ANAPC5: variants seen among roughly 807,000 people sequenced by gnomAD.
The protein encoded by ANAPC5 is anaphase-promoting complex subunit 5.
Under a neutral mutation model 91.3 loss-of-function variants are expected in ANAPC5, and 60 were observed. The observed-to-expected ratio is 0.66, with a 90% CI of 0.53 to 0.81. The LOEUF (loss-of-function observed/expected upper bound fraction) is 0.81, where lower values mean the gene tolerates loss of function less well. Ranked by LOEUF, ANAPC5 falls within the 40% of genes least tolerant of loss-of-function variation. ANAPC5 has a pLI of 0.00. For missense variants in ANAPC5, 690 were observed against 931.5 expected, an observed-to-expected ratio of 0.74 and a Z score of 3.37; for synonymous variants, 340 against 364.1, an observed-to-expected ratio of 0.93 and a Z score of 0.75.
intron 4 of ANAPC5, among the ~76,000 whole-genome samples, chr12:121,343,678 A>G (rs1427054886): frequency 6.6e-6 from 1 of 152,232 alleles, no homozygotes; most frequent in African/African-American, 2.4e-5. Context: ...CAGTACAAAA[A>G]CTACTCATAG....
intron 9 of ANAPC5, chr12:121,329,274 C>G (rs1555272620): frequency 6.6e-6 from 1 of 152,260 alleles, no homozygotes; most frequent in Non-Finnish European, 1.5e-5. Flanking sequence ...CTGCCTCAGC[C>G]TCCAGAGTAG....
At chr12:121,328,171 T>A in intron 10 of ANAPC5, 145 bp downstream of exon 10, 1 of 735,402 alleles carries the variant, frequency 1.4e-6, no homozygotes, top group South Asian at 2.0e-5. Flanking sequence ...TACAAAATGT[T>A]TTATAGTCTA....
intron 5 of ANAPC5, 50 bp downstream of exon 5, chr12:121,341,953 C>T (rs1903474862): frequency 2.8e-6 from 4 of 1,413,106 alleles, no homozygotes; most frequent in Non-Finnish European, 4.0e-6. Flanking sequence ...GGACTAGACA[C>T]ATCACAGGAC....
At chr12:121,334,099 G>A (rs1903138416) in intron 7 of ANAPC5, 1 of 152,170 alleles carries the variant, frequency 6.6e-6, no homozygotes, top group South Asian at 2.1e-4. Context: ...AACAAAGCAA[G>A]ATCCTACCTC....
chr12:121,328,304 T>C lies in ANAPC5; in HGVS notation c.1304+12A>G. 2 of 1,613,174 alleles carry C rather than the reference T, an allele frequency of 1.2e-6. No individual in the cohort carries two copies. Among genetic ancestry groups the C allele is most frequent in the Non-Finnish European group, 1.7e-6 (2 of 1,179,822 alleles). On this transcript the variant is annotated intron_variant, in intron 10 of 16. Transcript: ENST00000261819. ...TAAAGAATTCACACCCCCAGGGCCT[T>C]GGGAGACCTACCTGCGGCCATACAG... is the stretch of plus-strand genomic sequence containing the variant.
At chr12:121,335,393 T>G in intron 7 of ANAPC5, 140 bp downstream of exon 7, 1 of 861,336 alleles carries the variant, frequency 1.2e-6, no homozygotes, top group South Asian at 2.2e-5. Flanking sequence ...CTTGAACTCC[T>G]GACCTCACGT....
intron 11 of ANAPC5, among the ~76,000 whole-genome samples, chr12:121,323,521 G>A (rs1299087338): frequency 3.3e-5 from 5 of 152,044 alleles, no homozygotes; most frequent in Admixed American, 6.6e-5. Context: ...TTGTAGAGAC[G>A]GGGTTTCACC....
chr12:121,353,047 A>G (rs1246840794), upstream of ANAPC5, among the ~76,000 whole-genome samples: 6 of 152,180 alleles, frequency 3.9e-5, no homozygotes, highest in African/African-American at 1.4e-4. Context: ...TGTCTTTTTA[A>G]AGATAGGAAC....
intron 2 of ANAPC5, chr12:121,347,534 G>A (rs1555274824): frequency 4.9e-6 from 2 of 407,340 alleles, no homozygotes; most frequent in Non-Finnish European, 8.8e-6. Flanking sequence ...GGGAGTCTGA[G>A]GTGGGAAGAT....
upstream of ANAPC5, among the ~76,000 whole-genome samples, chr12:121,353,334 T>C (rs977178513): frequency 2.0e-5 from 3 of 152,218 alleles, no homozygotes; most frequent in African/African-American, 4.8e-5. Context: ...CCTGAATTAT[T>C]ATTAATGATC....
intron 11 of ANAPC5, among the ~76,000 whole-genome samples, chr12:121,325,702 A>G (rs192734197): frequency 2.6e-5 from 4 of 152,104 alleles, no homozygotes; most frequent in Admixed American, 2.6e-4. Context: ...CCTCATCTCT[A>G]CTAAAAATAC....
At chr12:121,339,955 T>C (rs1555273927) in intron 5 of ANAPC5, among the ~76,000 whole-genome samples, 1 of 146,250 alleles carries the variant, frequency 6.8e-6, no homozygotes, top group East Asian at 2.1e-4. Flanking sequence ...CGGCTCACTG[T>C]AACCTCCACT....
chr12:121,347,764 C>T (rs368606735), intron 2 of ANAPC5, 38 bp downstream of exon 2: 23 of 1,489,074 alleles, frequency 1.5e-5, no homozygotes, highest in Non-Finnish European at 2.1e-5. Context: ...CATCTACCTT[C>T]ACACCTTTTC....
chr12:121,345,858 C>A lies in ANAPC5; in HGVS notation c.571G>T (p.Glu191Ter). 1.2e-6 allele frequency: 2 copies of A among 1,613,512 alleles called. No homozygotes were observed. Among genetic ancestry groups the A allele is most frequent in the Non-Finnish European group, 1.7e-6 (2 of 1,179,876 alleles). The change falls in exon 4 of 17, where the codon GAA becomes TAA. Residue 191 changes from glutamate (E) to a stop codon, truncating the protein, a stop_gained. Coordinates refer to ENST00000261819, the MANE Select transcript of ANAPC5 (RefSeq NM_016237.5). LOFTEE classifies it high-confidence loss of function. Reference sequence around the variant, plus strand: ...AATTACCTTACAGATACATCAAGTTCTTCTTTTTCCATTTTTCTTTCACCC... The same window carrying A: ...AATTACCTTACAGATACATCAAGTTATTCTTTTTCCATTTTTCTTTCACCC... ...DEGERKMEKE[E>*]LDVSVREEEV...
chr12:121,347,860 T>C lies in ANAPC5; in HGVS notation c.229A>G (p.Lys77Glu). 1.2e-6 allele frequency: 2 copies of C among 1,613,600 alleles called. No individual in the cohort carries two copies. The highest frequency in any genetic ancestry group is 1.7e-6 in the Non-Finnish European group (2 of 1,179,570). The change falls in exon 2 of 17, where the codon AAA becomes GAA. Residue 77 changes from lysine (K) to glutamate (E), a missense_variant. Physicochemically the swap from Lys to Glu is moderately conservative, Grantham distance 56. Coordinates refer to ENST00000261819, the MANE Select transcript of ANAPC5 (RefSeq NM_016237.5). ...LLQGPDITLS[K>E]LYKLIEESCP... The stretch of plus-strand genomic sequence containing the variant: ...GACTCTTCAATTAACTTGTAAAGTT[T>C]TGACAGTGTAATATCTGGGCCCTGT...
Position 121,318,490 on chromosome 12 carries a change from A to C in ANAPC5, c.1745+11T>G. 6.2e-7 allele frequency: 1 copy of C among 1,613,578 alleles called. No individual in the cohort carries two copies. The highest frequency in any genetic ancestry group is 8.5e-7 in the Non-Finnish European group (1 of 1,179,766). On this transcript the variant is annotated intron_variant, in intron 14 of 16. Transcript: ENST00000261819. ...ACCACATCTCCGTGAGATGTACAAG[A>C]GACCCCTTACCTGATCACCATTTCT...
intron 12 of ANAPC5, 48 bp from the exon 13 acceptor site, chr12:121,319,866 T>C (rs549853282): frequency 1.9e-6 from 3 of 1,540,860 alleles, no homozygotes; most frequent in South Asian, 2.4e-5. Context: ...CGAATGTTCA[T>C]CTTAATGAGT....
At chr12:121,308,808 C>G in intron 16 of ANAPC5, 117 bp from the exon 17 acceptor site, 1 of 885,910 alleles carries the variant, frequency 1.1e-6, no homozygotes, top group Non-Finnish European at 1.8e-6. Flanking sequence ...TTTATATTCT[C>G]CATTCTTTGA....
chr12:121,318,663 GA>G lies in ANAPC5; in HGVS notation c.1638-56del, dbSNP rs1902467278. 2.8e-6 allele frequency: 4 copies of G among 1,429,524 alleles called. No individual in the cohort carries two copies. In the Admixed American group the frequency reaches 5.4e-5, roughly 19 times the overall value. The allele number at this position is 1,429,524 out of a possible 1,614,324, so 88.6% of individuals were successfully genotyped here. ...TTTTAACTAGTCACTTTGAGGGTAA[GA>G]ATCTCAATTTATTCAATTGCGCTAT... is the stretch of plus-strand genomic sequence containing the variant. On this transcript the variant is annotated intron_variant, in intron 13 of 16. Transcript: ENST00000261819.
Sources: gnomAD v4.1 joint callset for allele counts (sites outside exome capture counted in the v4.1 genomes callset) on GRCh38, gnomAD v4.1.1 for gene constraint, MANE v1.5 for transcripts, NCBI Gene and HGNC (gene_info 2026-07-23, HGNC 2026-07-21) for gene names.